The following PAPPA2 variants were observed in gnomAD, a reference collection of about 807,000 sequenced individuals.
PAPPA2 encodes the protein pappalysin 2.
In PAPPA2, 86 loss-of-function variants were observed where a neutral mutation model predicts 176.4. The observed-to-expected ratio is 0.49, with a 90% confidence interval of 0.41 to 0.58. PAPPA2 has a LOEUF of 0.58. Among genes scored for constraint, PAPPA2 ranks in the 20% least tolerant of loss-of-function variants. PAPPA2 has a pLI of 0.00. For synonymous variants in PAPPA2, 809 were observed against 852.2 expected (o/e 0.95, Z 0.88); for missense variants, 2,073 against 2,256.9 (o/e 0.92, Z 1.65).
At chr1:176,644,631 G>T (rs1657291124) in intron 3 of PAPPA2, among the ~76,000 whole-genome samples, 1 of 151,764 alleles carries the variant, frequency 6.6e-6, no homozygotes, top group Non-Finnish European at 1.5e-5. Context: ...CTGGAAAACA[G>T]GGACAATCTA....
intron 3 of PAPPA2, among the ~76,000 whole-genome samples, chr1:176,647,118 A>G (rs1330485911): frequency 6.6e-6 from 1 of 151,404 alleles, no homozygotes; most frequent in Non-Finnish European, 1.5e-5. Context: ...CTAGGGTGAA[A>G]TAATCTCCTT....
chr1:176,744,068 A>G (rs1348261462), intron 14 of PAPPA2, among the ~76,000 whole-genome samples: 1 of 152,118 alleles, frequency 6.6e-6, no homozygotes, highest in Non-Finnish European at 1.5e-5. Flanking sequence ...CCTTTTATGC[A>G]ATTGTGCTTC....
At chr1:176,519,464 T>G (rs1649096057) in intron 1 of PAPPA2, among the ~76,000 whole-genome samples, 1 of 152,160 alleles carries the variant, frequency 6.6e-6, no homozygotes, top group Non-Finnish European at 1.5e-5. Flanking sequence ...AAAGGTATGC[T>G]TTTCCCAGTG....
intron 1 of PAPPA2, among the ~76,000 whole-genome samples, chr1:176,518,228 A>G (rs1027450169): frequency 6.6e-6 from 1 of 152,166 alleles, no homozygotes; most frequent in Non-Finnish European, 1.5e-5. Flanking sequence ...ACTTTCTAGG[A>G]CTTCTTGCCA....
intron 2 of PAPPA2, among the ~76,000 whole-genome samples, chr1:176,560,938 A>C (rs1651632364): frequency 6.6e-6 from 1 of 152,214 alleles, no homozygotes. Context: ...TTCATCCGAC[A>C]AATATTTATT....
intron 1 of PAPPA2, among the ~76,000 whole-genome samples, chr1:176,533,000 C>A (rs1248567542): frequency 1.3e-5 from 2 of 152,228 alleles, no homozygotes; most frequent in Admixed American, 1.3e-4. Flanking sequence ...GTTGAGGTTT[C>A]TATTTGATTC....
intron 14 of PAPPA2, among the ~76,000 whole-genome samples, chr1:176,756,346 A>G (rs1456062358): frequency 6.6e-6 from 1 of 152,190 alleles, no homozygotes; most frequent in Non-Finnish European, 1.5e-5. Flanking sequence ...GAGGAAGAAT[A>G]GGAGGGGCTG....
chr1:176,787,271 A>G (rs1011193593), intron 17 of PAPPA2, among the ~76,000 whole-genome samples: 1 of 151,780 alleles, frequency 6.6e-6, no homozygotes, highest in African/African-American at 2.4e-5. Flanking sequence ...CACAGTCTGT[A>G]TCACCTGGGC....
chr1:176,587,211 T>G (rs1653370940), intron 2 of PAPPA2, among the ~76,000 whole-genome samples: 1 of 152,146 alleles, frequency 6.6e-6, no homozygotes, highest in Admixed American at 6.5e-5. Flanking sequence ...ATGGATAGAC[T>G]GCAAAAATTT....
chr1:176,557,836 A>G (rs1255821672), intron 2 of PAPPA2, among the ~76,000 whole-genome samples: 1 of 152,228 alleles, frequency 6.6e-6, no homozygotes, highest in Non-Finnish European at 1.5e-5. Context: ...GCTTAGGAAC[A>G]GTAGGGTCCA....
chr1:176,739,932 T>G (rs145411275), intron 13 of PAPPA2, 48 bp from the exon 14 acceptor site: 4 of 1,598,918 alleles, frequency 2.5e-6, no homozygotes, highest in Non-Finnish European at 3.4e-6. Context: ...TATGGAAACA[T>G]GGTACTAACA....
At chr1:176,567,395 C>G (rs1374562381) in intron 2 of PAPPA2, among the ~76,000 whole-genome samples, 1 of 152,196 alleles carries the variant, frequency 6.6e-6, no homozygotes, top group Non-Finnish European at 1.5e-5. Flanking sequence ...ATTAGAAATC[C>G]AGTTACCTGA....
chr1:176,632,228 G>GGTGTGTGTGTGTGTGT (rs755065819), intron 3 of PAPPA2, among the ~76,000 whole-genome samples: 2 of 137,772 alleles, frequency 1.5e-5, no homozygotes, highest in Non-Finnish European at 3.1e-5. Flanking sequence ...AATTAGTAGT[G>GGTGTGTGTGTGTGTGT]ATGTGTGTGT....
At chr1:176,623,609 TCC>T (rs1374555393) in intron 3 of PAPPA2, among the ~76,000 whole-genome samples, 3,459 of 134,952 alleles carry the variant, frequency 0.026, 49 homozygotes, top group East Asian at 0.064. Context: ...CTTCCTTCCT[TCC>T]TTCCTTCCTT....
At chr1:176,620,399 G>C (rs552906656) in intron 3 of PAPPA2, among the ~76,000 whole-genome samples, 1 of 152,076 alleles carries the variant, frequency 6.6e-6, no homozygotes, top group Admixed American at 6.5e-5. Context: ...TAAAGTCACA[G>C]TTATTTAATC....
intron 4 of PAPPA2, among the ~76,000 whole-genome samples, chr1:176,677,327 C>T (rs537252305): frequency 6.6e-6 from 1 of 152,270 alleles, no homozygotes; most frequent in East Asian, 1.9e-4. Context: ...GCACACTAGC[C>T]TGGAAGTTTG....
chr1:176,603,644 A>T (rs903432744), intron 3 of PAPPA2, among the ~76,000 whole-genome samples: 1 of 152,206 alleles, frequency 6.6e-6, no homozygotes, highest in Non-Finnish European at 1.5e-5. Flanking sequence ...CTCAACTAGG[A>T]TGCACATTCC....
At chr1:176,619,301 G>C (rs1175799146) in intron 3 of PAPPA2, among the ~76,000 whole-genome samples, 1 of 152,160 alleles carries the variant, frequency 6.6e-6, no homozygotes, top group Non-Finnish European at 1.5e-5. Context: ...TTTAAAAAGA[G>C]ATCTGAAAGC....
At chr1:176,786,241 C>G (rs1265538064) in intron 17 of PAPPA2, among the ~76,000 whole-genome samples, 2 of 152,182 alleles carry the variant, frequency 1.3e-5, no homozygotes, top group Non-Finnish European at 2.9e-5. Flanking sequence ...TAAATGTCAT[C>G]TTTCTGGAGG....
Sources: gnomAD v4.1 joint callset for allele counts (sites outside exome capture counted in the v4.1 genomes callset) on GRCh38, gnomAD v4.1.1 for gene constraint, MANE v1.5 for transcripts, NCBI Gene and HGNC (gene_info 2026-07-23, HGNC 2026-07-21) for gene names.